The following TRIAP1 variants were observed in gnomAD, a reference collection of about 807,000 sequenced individuals.
The protein encoded by TRIAP1 is TP53-regulated inhibitor of apoptosis 1.
A neutral mutation model predicts 8.4 loss-of-function variants in TRIAP1; 8 were observed. The observed-to-expected ratio is 0.96, with a 90% CI of 0.56 to 1.73. The LOEUF (loss-of-function observed/expected upper bound fraction) is 1.73, where lower values mean the gene tolerates loss of function less well. Ranked by LOEUF, TRIAP1 falls within the 40% of genes most tolerant of loss-of-function variation. The pLI is 0.00. For missense variants in TRIAP1, 90 were observed against 96.9 expected (o/e 0.93, Z 0.30); for synonymous variants, 35 against 34.0 (o/e 1.03, Z -0.10).
rs1287492277 is a variant in TRIAP1 at position 120,444,503 on chromosome 12, T to C, written c.*369A>G. 3.2e-5 allele frequency: 9 copies of C among 281,836 alleles called. No individual in the cohort carries two copies. The highest frequency in any genetic ancestry group is 4.8e-5 in the Non-Finnish European group (7 of 146,962). 17.5% of individuals were successfully genotyped at this position (281,836 alleles called of 1,614,324 possible). ...TTGCTTTCATAAATAGTGACCCCAG[T>C]ACAGTGTATATGTCTTTTGCAGCAG... is the stretch of plus-strand genomic sequence containing the variant. On this transcript the variant is annotated 3_prime_UTR_variant, in exon 2 of 2. Transcript: ENST00000546954.
chr12:120,444,575 C>T lies in TRIAP1; in HGVS notation c.*297G>A. 5.6e-6 allele frequency: 2 copies of T among 354,348 alleles called. No individual in the cohort carries two copies. The highest frequency in any genetic ancestry group is 2.6e-5 in the South Asian group (1 of 38,788). 22.0% of individuals were successfully genotyped at this position (354,348 alleles called of 1,614,324 possible). On this transcript the variant is annotated 3_prime_UTR_variant, in exon 2 of 2. Coordinates refer to ENST00000546954, the MANE Select transcript of TRIAP1 (RefSeq NM_016399.3). ...CTGCTCATCCTGACTAGTTTATCAT[C>T]GTTTGCATACAAGGTATATTTATGT...
chr12:120,445,134 T>C (rs993102792), intron 1 of TRIAP1, among the ~76,000 whole-genome samples, 179 bp from the exon 2 acceptor site: 2 of 152,256 alleles, frequency 1.3e-5, no homozygotes, highest in Non-Finnish European at 2.9e-5. Context: ...CTCACGCCTA[T>C]AATCGCAGCA....
intron 1 of TRIAP1, 190 bp downstream of exon 1, chr12:120,446,036 A>G (rs1877843290): frequency 2.8e-6 from 2 of 717,498 alleles, no homozygotes; most frequent in South Asian, 4.0e-5. Context: ...CACTGCCCCA[A>G]TATTTGTCAT....
chr12:120,445,514 TTG>T (rs1273690690), intron 1 of TRIAP1, among the ~76,000 whole-genome samples: 1 of 152,142 alleles, frequency 6.6e-6, no homozygotes, highest in Non-Finnish European at 1.5e-5. Flanking sequence ...AATCATCACT[TTG>T]TGTTAGTGAA....
At position 120,446,280 on chromosome 12, in the gene TRIAP1, GT is replaced by G; in HGVS notation, c.92del (p.Asp31AlafsTer22). On this transcript the variant is annotated frameshift_variant, in exon 1 of 2. Coordinates refer to ENST00000546954, the MANE Select transcript of TRIAP1 (RefSeq NM_016399.3). LOFTEE classifies it high-confidence loss of function. The stretch of plus-strand genomic sequence containing the variant: ...GGTCGGTGCACGGGTCCCCGGAGCT[GT>G]CCCCCTTGAGAAATTTCTCGGCGAA... ...RWFAEKFLKG[D>X]SSGDPCTDLF... The G allele has an allele frequency of 6.2e-7, 1 of 1,614,208 alleles. No homozygotes were observed. Among genetic ancestry groups the G allele is most frequent in the Non-Finnish European group, 8.5e-7 (1 of 1,180,040 alleles).
intron 1 of TRIAP1, 40 bp downstream of exon 1, chr12:120,446,186 C>T: frequency 6.2e-7 from 1 of 1,607,748 alleles, no homozygotes; most frequent in Non-Finnish European, 8.5e-7. Flanking sequence ...GACACAGCGC[C>T]GAGAATGCAG....
At position 120,444,871 on chromosome 12, in the gene TRIAP1, G is replaced by T. The variant is rs1404546224; in HGVS notation, c.*1C>A. The T allele has an allele frequency of 6.2e-7, 1 of 1,612,560 alleles. No individual in the cohort carries two copies. Among genetic ancestry groups the T allele is most frequent in the South Asian group, 1.1e-5 (1 of 90,944 alleles). On this transcript the variant is annotated 3_prime_UTR_variant, in exon 2 of 2. Transcript: ENST00000546954. ...GAAATCCTTCAAGGTGACTGTCAAG[G>T]TCAAGAAGAATTTTCAGGCTTTTCT...
rs942945876 is a variant in TRIAP1, at chr12:120,444,626, C to G, written c.*246G>C. 8.8e-6 allele frequency: 4 copies of G among 455,608 alleles called. No homozygotes were observed. The highest frequency in any genetic ancestry group is 8.9e-5 in the East Asian group (2 of 22,518). The allele number at this position is 455,608 out of a possible 1,614,324, so 28.2% of individuals were successfully genotyped here. A position where few individuals can be genotyped will look rare whatever the true frequency, so the allele number is the denominator to read the frequency against. On this transcript the variant is annotated 3_prime_UTR_variant, in exon 2 of 2. Transcript: ENST00000546954. ...AAAGCTGATTCCACGCCAAGTATTG[C>G]AACCATAATCTCAAAAAAATTGTTC... is the stretch of plus-strand genomic sequence containing the variant.
rs1592979848 is a variant in TRIAP1, at chr12:120,444,737, A to G, written c.*135T>C. ...CATCTTTTACAACTGAGAGGAAAAC[A>G]TCGAAGGAGGAAATAAAACTCCTCT... is the stretch of plus-strand genomic sequence containing the variant. On this transcript the variant is annotated 3_prime_UTR_variant, in exon 2 of 2. Coordinates refer to ENST00000546954, the MANE Select transcript of TRIAP1 (RefSeq NM_016399.3). The G allele has an allele frequency of 6.9e-6, 5 of 720,836 alleles. No homozygotes were observed. Among genetic ancestry groups the G allele is most frequent in the East Asian group, 5.2e-5 (2 of 38,602 alleles). 44.7% of individuals were successfully genotyped at this position (720,836 alleles called of 1,614,324 possible).
At position 120,446,372 on chromosome 12, in the gene TRIAP1, TG is replaced by T. The variant is rs752262697; in HGVS notation, c.-1del. ...GTGCATGCCTCCCCCACACTGTTCA[TG>T]GCGACAGTGGTGGCGGCGGCGACGA... is the stretch of plus-strand genomic sequence containing the variant. On this transcript the variant is annotated 5_prime_UTR_variant, in exon 1 of 2. Coordinates refer to ENST00000546954, the MANE Select transcript of TRIAP1 (RefSeq NM_016399.3). 1.9e-6 allele frequency: 3 copies of T among 1,613,070 alleles called. No individual in the cohort carries two copies. The highest frequency in any genetic ancestry group is 2.5e-6 in the Non-Finnish European group (3 of 1,179,064).
intron 1 of TRIAP1, among the ~76,000 whole-genome samples, chr12:120,445,192 A>G (rs193134888): frequency 4.6e-5 from 7 of 152,314 alleles, no homozygotes; most frequent in Admixed American, 3.3e-4. Context: ...GAAGTTAGAG[A>G]CCAACCTGGC....
Position 120,444,726 on chromosome 12 carries a change from G to A in TRIAP1, c.*146C>T. 1.4e-6 allele frequency: 1 copy of A among 699,220 alleles called. No homozygotes were observed. The highest frequency in any genetic ancestry group is 2.6e-5 in the East Asian group (1 of 38,078). 43.3% of individuals were successfully genotyped at this position (699,220 alleles called of 1,614,324 possible). On this transcript the variant is annotated 3_prime_UTR_variant, in exon 2 of 2. Transcript: ENST00000546954. ...CTCAAAGAGTTCATCTTTTACAACT[G>A]AGAGGAAAACATCGAAGGAGGAAAT...
At position 120,444,648 on chromosome 12, in the gene TRIAP1, G is replaced by C; in HGVS notation, c.*224C>G. On this transcript the variant is annotated 3_prime_UTR_variant, in exon 2 of 2. Coordinates refer to ENST00000546954, the MANE Select transcript of TRIAP1 (RefSeq NM_016399.3). ...TTGCAACCATAATCTCAAAAAAATT[G>C]TTCAATTTTAGCACACAGTTCCTGC... is the stretch of plus-strand genomic sequence containing the variant. 4.1e-6 allele frequency: 2 copies of C among 487,978 alleles called. No individual in the cohort carries two copies. Among genetic ancestry groups the C allele is most frequent in the Non-Finnish European group, 7.3e-6 (2 of 273,698 alleles). The allele number at this position is 487,978 out of a possible 1,614,324, so 30.2% of individuals were successfully genotyped here.
In TRIAP1 at chr12:120,444,080, T is replaced by C. The variant is rs960358885; in HGVS notation, c.*792A>G. ...CTTCAGCTTCCCCCCTACCCCGACA[T>C]TTAACCAGATGCAGCATTTTGACAT... On this transcript the variant is annotated 3_prime_UTR_variant, in exon 2 of 2. Transcript: ENST00000546954. 6.6e-6 allele frequency: 1 copy of C among 152,234 alleles called. No individual in the cohort carries two copies. Among genetic ancestry groups the C allele is most frequent in the African/African-American group, 2.4e-5 (1 of 41,452 alleles). The allele number at this position is 152,234 out of a possible 1,614,324, so 9.4% of individuals were successfully genotyped here.
Position 120,446,358 on chromosome 12 carries a change from C to T in TRIAP1, c.15G>A (p.Gly5=). The T allele has an allele frequency of 6.2e-7, 1 of 1,614,202 alleles. No individual in the cohort carries two copies. The highest frequency in any genetic ancestry group is 8.5e-7 in the Non-Finnish European group (1 of 1,180,024). The change falls in exon 1 of 2, where the codon GGG becomes GGA. Residue 5 remains glycine, a synonymous_variant. Coordinates refer to ENST00000546954, the MANE Select transcript of TRIAP1 (RefSeq NM_016399.3). ...CGCGCTTCATGTCCGTGCATGCCTCCCCCACACTGTTCATGGCGACAGTGG... is the reference window on the plus strand; with the variant it reads ...CGCGCTTCATGTCCGTGCATGCCTCTCCCACACTGTTCATGGCGACAGTGG... MNSV[G]EACTDMKREY...
At position 120,444,475 on chromosome 12, in the gene TRIAP1, C is replaced by A; in HGVS notation, c.*397G>T. ...TGAGAGGAAAAAAAGAGGTCCTAAC[C>A]AATTGCTTTCATAAATAGTGACCCC... On this transcript the variant is annotated 3_prime_UTR_variant, in exon 2 of 2. Transcript: ENST00000546954. 1 of 178,920 alleles carries A rather than the reference C, an allele frequency of 5.6e-6. No individual in the cohort carries two copies. Among genetic ancestry groups the A allele is most frequent in the Non-Finnish European group, 1.2e-5 (1 of 85,498 alleles). 11.1% of individuals were successfully genotyped at this position (178,920 alleles called of 1,614,324 possible).
In TRIAP1 at chr12:120,446,300, C is replaced by T. The variant is rs1427000129; in HGVS notation, c.73G>A (p.Glu25Lys). 17 of 1,614,212 alleles carry T rather than the reference C, an allele frequency of 1.1e-5. No homozygotes were observed. The highest frequency in any genetic ancestry group is 1.3e-5 in the African/African-American group (1 of 75,066). Residue 25 changes from glutamate to lysine, a missense_variant, in exon 1 of 2, where the codon GAG becomes AAG. By Grantham distance (56) the Glu-to-Lys change is moderately conservative (BLOSUM62 1). Coordinates refer to ENST00000546954, the MANE Select transcript of TRIAP1 (RefSeq NM_016399.3). ...GAGCTGTCCCCCTTGAGAAATTTCT[C>T]GGCGAACCAGCGATTGAAGCACTGG... ...YDQCFNRWFA[E>K]KFLKGDSSGD...
rs1877811829 is a variant in TRIAP1 at position 120,444,936 on chromosome 12, T to C, written c.167A>G (p.Glu56Gly). The change falls in exon 2 of 2, where the codon GAG (glutamate) becomes GGG (glycine). Residue 56 changes from glutamate (E) to glycine (G), a missense_variant. By Grantham distance (98) the Glu-to-Gly change is moderately conservative. Coordinates refer to ENST00000546954, the MANE Select transcript of TRIAP1 (RefSeq NM_016399.3). ...QCVQKAIKEK[E>G]IPIEGLEFMG... Reference sequence around the variant, plus strand: ...GAACTCCAGTCCTTCAATAGGAATCTCTTTCTCCTTTATTGCTTTCTGGTA... The same window carrying C: ...GAACTCCAGTCCTTCAATAGGAATCCCTTTCTCCTTTATTGCTTTCTGGTA... 6.2e-7 allele frequency: 1 copy of C among 1,613,428 alleles called. No homozygotes were observed. Among genetic ancestry groups the C allele is most frequent in the African/African-American group, 1.3e-5 (1 of 74,908 alleles).
chr12:120,445,638 C>G (rs188659890), intron 1 of TRIAP1, among the ~76,000 whole-genome samples: 28 of 152,162 alleles, frequency 1.8e-4, no homozygotes, highest in Non-Finnish European at 3.4e-4. Context: ...GTTGGGTTAA[C>G]TTATTGGAAG....
Sources: gnomAD v4.1 joint callset for allele counts (sites outside exome capture counted in the v4.1 genomes callset) on GRCh38, gnomAD v4.1.1 for gene constraint, MANE v1.5 for transcripts, NCBI Gene and HGNC (gene_info 2026-07-23, HGNC 2026-07-21) for gene names.